The following GPM6B variants were observed in gnomAD, a reference collection of about 807,000 sequenced individuals.
GPM6B encodes neuronal membrane glycoprotein M6-b.
A neutral mutation model predicts 27.2 loss-of-function variants in GPM6B; 4 were observed. The ratio of observed to expected loss-of-function variants is 0.15; its 90% CI spans 0.07 to 0.34. GPM6B has a LOEUF of 0.34. Among genes scored for constraint, GPM6B ranks in the 10% least tolerant of loss-of-function variants. The pLI is 1.00. For missense variants in GPM6B, 183 were observed against 261.9 expected, an observed-to-expected ratio of 0.70 and a Z score of 2.08; for synonymous variants, 124 against 103.1, an observed-to-expected ratio of 1.20 and a Z score of -1.23.
intron 1 of GPM6B, among the ~76,000 whole-genome samples, chrX:13,837,710 T>TGGGG (rs771546203): frequency 0.015 from 167 of 11,372 alleles, 56 homozygotes; most frequent in Non-Finnish European, 0.038. Flanking sequence ...AGCAAGTTGG[T>TGGGG]GGGGGGGGGG....
chrX:13,849,049 T>C (rs889539704), intron 1 of GPM6B, among the ~76,000 whole-genome samples: 3 of 112,255 alleles, frequency 2.7e-5, no homozygotes, highest in African/African-American at 9.7e-5. Flanking sequence ...AACCTGGGAC[T>C]AGAGATGGGA....
intron 1 of GPM6B, among the ~76,000 whole-genome samples, chrX:13,913,871 C>G (rs182322704): frequency 5.4e-5 from 6 of 111,286 alleles, no homozygotes; most frequent in South Asian, 3.9e-4. Flanking sequence ...CCCATCTCAG[C>G]CTCCCGAGTA....
chrX:13,807,711 C>G lies in GPM6B; in HGVS notation c.120G>C (p.Lys40Asn), dbSNP rs150832725. Residue 40 changes from lysine to asparagine, a missense_variant, in exon 2 of 8, where the codon AAG (lysine) becomes AAC (asparagine). Coordinates refer to ENST00000316715, the MANE Select transcript of GPM6B (RefSeq NM_001001995.3). Reference protein sequence around the residue: ...GRYHWMYPGSKNHQYHPVPTL... With the variant: ...GRYHWMYPGSNNHQYHPVPTL... ...TTGGCACGGGATGGTACTGGTGGTT[C>G]TTTGAGCCTGGGTACATCCAGTGGT... The G allele has an allele frequency of 1.2e-3, 1,486 of 1,205,241 alleles. 3 individuals carry two copies. The highest frequency in any genetic ancestry group is 1.4e-3 in the Non-Finnish European group (1,226 of 891,129).
chrX:13,783,974 T>G (rs1008953325), intron 3 of GPM6B: 36 of 278,373 alleles, frequency 1.3e-4, no homozygotes, highest in African/African-American at 9.4e-4. Flanking sequence ...AATGTCACTC[T>G]GATAAAACCC....
At chrX:13,887,716 A>G (rs1344518125) in intron 1 of GPM6B, among the ~76,000 whole-genome samples, 1 of 111,842 alleles carries the variant, frequency 8.9e-6, no homozygotes, top group East Asian at 2.8e-4. Flanking sequence ...TAAGGAAATT[A>G]GACTTAAAGT....
chrX:13,915,114 A>T (rs1005963409), intron 1 of GPM6B, among the ~76,000 whole-genome samples: 1 of 109,554 alleles, frequency 9.1e-6, no homozygotes, highest in African/African-American at 3.3e-5. Context: ...CCAGAAATAC[A>T]AAAATTAGCT....
At chrX:13,861,025 CACACACACACACACACACATATAT>C (rs2049839599) in intron 1 of GPM6B, among the ~76,000 whole-genome samples, 1 of 83,896 alleles carries the variant, frequency 1.2e-5, no homozygotes, top group South Asian at 7.6e-4. Flanking sequence ...CACACACACA[CACACACACACACACACACATATAT>C]ACATATATAT....
intron 1 of GPM6B, among the ~76,000 whole-genome samples, chrX:13,917,677 A>G (rs928528328): frequency 8.9e-6 from 1 of 112,529 alleles, no homozygotes; most frequent in African/African-American, 3.2e-5. Context: ...ATCCATTTTC[A>G]GGCTCCTGTG....
intron 6 of GPM6B, among the ~76,000 whole-genome samples, chrX:13,776,566 G>T (rs760508723): frequency 4.6e-4 from 52 of 111,971 alleles, no homozygotes; most frequent in Admixed American, 8.5e-4. Flanking sequence ...ACATAGTGCT[G>T]CCTTGATGGC....
upstream of GPM6B, chrX:13,817,258 C>T: frequency 2.4e-6 from 2 of 816,936 alleles, no homozygotes; most frequent in Non-Finnish European, 2.9e-6. Flanking sequence ...TGCTCCCCAC[C>T]GGGCTCTTCC....
At chrX:13,783,205 G>A (rs1011372163) in intron 4 of GPM6B, among the ~76,000 whole-genome samples, 160 bp downstream of exon 4, 2 of 112,370 alleles carry the variant, frequency 1.8e-5, no homozygotes, top group Non-Finnish European at 1.9e-5. Flanking sequence ...CATGTTGAAG[G>A]TTTTTATAGT....
chrX:13,810,943 TAA>T (rs1335574871), intron 1 of GPM6B, among the ~76,000 whole-genome samples: 1 of 111,822 alleles, frequency 8.9e-6, no homozygotes, highest in African/African-American at 3.3e-5. Flanking sequence ...GCATTAAATA[TAA>T]AGTTATTTAT....
At chrX:13,870,321 T>C (rs372782046) in intron 1 of GPM6B, among the ~76,000 whole-genome samples, 1 of 112,595 alleles carries the variant, frequency 8.9e-6, no homozygotes, top group East Asian at 2.8e-4. Flanking sequence ...ATAATGTCAG[T>C]CTCTAAGGCA....
intron 1 of GPM6B, among the ~76,000 whole-genome samples, chrX:13,836,417 A>G (rs1304415246): frequency 3.6e-5 from 4 of 112,229 alleles, no homozygotes; most frequent in Non-Finnish European, 7.5e-5. Context: ...CTATTTGTAG[A>G]GGTAAATGAA....
At chrX:13,881,410 G>A (rs2050096334) in intron 1 of GPM6B, among the ~76,000 whole-genome samples, 1 of 110,882 alleles carries the variant, frequency 9.0e-6, no homozygotes, top group African/African-American at 3.3e-5. Flanking sequence ...TACTTGGGAG[G>A]CTGAGGTGGG....
At chrX:13,898,569 G>A (rs2050253354) in intron 1 of GPM6B, among the ~76,000 whole-genome samples, 1 of 112,330 alleles carries the variant, frequency 8.9e-6, no homozygotes, top group Admixed American at 9.4e-5. Context: ...TAAAGTGTGA[G>A]CAGCACTAAT....
chrX:13,789,770 A>G (rs1303245941), intron 2 of GPM6B, among the ~76,000 whole-genome samples: 2 of 96,874 alleles, frequency 2.1e-5, no homozygotes, highest in African/African-American at 7.3e-5. Context: ...GCAAGACTCC[A>G]TCTCAAAACA....
intron 1 of GPM6B, 93 bp downstream of exon 1, chrX:13,816,751 G>A: frequency 1.9e-6 from 2 of 1,027,568 alleles, no homozygotes; most frequent in Non-Finnish European, 1.4e-6. Context: ...TTGTCTCAGA[G>A]CCATTTTAAA....
intron 1 of GPM6B, among the ~76,000 whole-genome samples, chrX:13,888,665 A>AC (rs1259933458): frequency 9.1e-6 from 1 of 110,263 alleles, no homozygotes; most frequent in Non-Finnish European, 1.9e-5. Flanking sequence ...GCCACCACCA[A>AC]CCCCCACCCC....
Sources: allele counts gnomAD v4.1 joint callset (sites outside exome capture counted in the v4.1 genomes callset), GRCh38; gene constraint gnomAD v4.1.1; transcripts MANE v1.5; gene names NCBI Gene and HGNC (gene_info 2026-07-23, HGNC 2026-07-21).